PTPRT: variants seen among roughly 807,000 people sequenced by gnomAD.
The protein encoded by PTPRT is receptor-type tyrosine-protein phosphatase T.
Under a neutral mutation model 176.8 loss-of-function variants are expected in PTPRT, and 56 were observed. The ratio of observed to expected loss-of-function variants is 0.32; its 90% CI spans 0.26 to 0.40. The LOEUF (loss-of-function observed/expected upper bound fraction) is 0.40, where lower values mean the gene tolerates loss of function less well. PTPRT is among the 10% of genes least tolerant of loss of function. The probability of loss-of-function intolerance (pLI) is 1.00; values close to 1 mark genes in which losing one functional copy is unlikely to be tolerated. For missense variants in PTPRT, 1,540 were observed against 1,908.2 expected, an observed-to-expected ratio of 0.81 and a Z score of 3.60; for synonymous variants, 783 against 739.0, an observed-to-expected ratio of 1.06 and a Z score of -0.96.
intron 15 of PTPRT, among the ~76,000 whole-genome samples, chr20:42,231,249 A>G (rs1359768643): frequency 1.3e-5 from 2 of 152,212 alleles, no homozygotes; most frequent in Non-Finnish European, 2.9e-5. Flanking sequence ...CTGTGCTCCA[A>G]GCACGTGGTC....
chr20:42,810,871 C>A (rs1433098826), intron 2 of PTPRT, among the ~76,000 whole-genome samples: 1 of 152,220 alleles, frequency 6.6e-6, no homozygotes, highest in Admixed American at 6.5e-5. Flanking sequence ...GTCTTAATTC[C>A]TGTCCTTCTA....
intron 14 of PTPRT, among the ~76,000 whole-genome samples, chr20:42,245,049 A>T (rs538332681): frequency 6.6e-6 from 1 of 152,260 alleles, no homozygotes; most frequent in South Asian, 2.1e-4. Context: ...TTATGTCAGG[A>T]CTTAACATGG....
chr20:42,462,461 G>A (rs2071036997), intron 8 of PTPRT, among the ~76,000 whole-genome samples: 1 of 152,124 alleles, frequency 6.6e-6, no homozygotes. Flanking sequence ...AGGCTGAGGT[G>A]TTGGGGGATT....
At chr20:42,562,063 G>T (rs1175270083) in intron 7 of PTPRT, among the ~76,000 whole-genome samples, 1 of 152,154 alleles carries the variant, frequency 6.6e-6, no homozygotes, top group Non-Finnish European at 1.5e-5. Context: ...GGTTTCAGTT[G>T]CTTCGTCTGT....
intron 6 of PTPRT, among the ~76,000 whole-genome samples, chr20:42,726,811 C>T (rs1050559044): frequency 9.9e-5 from 15 of 152,206 alleles, no homozygotes; most frequent in African/African-American, 3.4e-4. Flanking sequence ...TCAGCAGATG[C>T]TATCACTATA....
At chr20:42,157,622 CT>C (rs768231831) in intron 17 of PTPRT, among the ~76,000 whole-genome samples, 2 of 150,298 alleles carry the variant, frequency 1.3e-5, no homozygotes, top group Non-Finnish European at 3.0e-5. Flanking sequence ...CTGGGATTTT[CT>C]TCCCCCCCCA....
chr20:42,223,834 A>T (rs1490918270), intron 15 of PTPRT, among the ~76,000 whole-genome samples: 3 of 152,196 alleles, frequency 2.0e-5, no homozygotes, highest in African/African-American at 7.2e-5. Context: ...GCTTTTCTCC[A>T]CTTCTGAAAA....
In PTPRT at chr20:42,580,881, T is replaced by C. The variant is rs557507549; in HGVS notation, c.1153+96985A>G. ...ACAATTTGACTTCCTCTTTTCCTAATTGAATACCCTTTATTTCCTTCTCCT... is the reference window on the plus strand; with the variant it reads ...ACAATTTGACTTCCTCTTTTCCTAACTGAATACCCTTTATTTCCTTCTCCT... On this transcript the variant is annotated intron_variant, in intron 7 of 30. Transcript: ENST00000373187. Among the ~76,000 whole-genome samples, 536 of 151,884 alleles carry C rather than the reference T, an allele frequency of 3.5e-3. 2 individuals are homozygous for C. Among genetic ancestry groups the C allele is most frequent in the African/African-American group, 0.012 (494 of 41,442 alleles).
At chr20:42,262,741 A>G (rs1053963202) in intron 13 of PTPRT, among the ~76,000 whole-genome samples, 2 of 151,832 alleles carry the variant, frequency 1.3e-5, no homozygotes, top group African/African-American at 4.8e-5. Context: ...GAGCACTACA[A>G]TGTGTGCTAG....
chr20:42,350,211 CTTGTTTTTTTTTT>C (rs2058255685), intron 11 of PTPRT, among the ~76,000 whole-genome samples: 2 of 70,602 alleles, frequency 2.8e-5, no homozygotes, highest in Admixed American at 1.5e-4. Flanking sequence ...TAGGATGTTT[CTTGTTTTTTTTTT>C]TTTTTTTTTT....
Position 42,656,690 on chromosome 20 carries a change from C to T in PTPRT, c.1153+21176G>A, listed in dbSNP as rs184537502. On this transcript the variant is annotated intron_variant, in intron 7 of 30. Coordinates refer to ENST00000373187, the MANE Select transcript of PTPRT (RefSeq NM_007050.6). ...CAGGAAAAAATATTACATATGTGCA[C>T]ATATATTAGTATCTTTCAGGATGCT... 3.2e-4 allele frequency among the ~76,000 whole-genome samples: 48 copies of T among 152,164 alleles called. 2 individuals are homozygous for T. Among genetic ancestry groups the T allele is most frequent in the African/African-American group, 1.0e-3 (43 of 41,528 alleles).
intron 9 of PTPRT, among the ~76,000 whole-genome samples, chr20:42,425,055 C>A (rs996314296): frequency 6.6e-6 from 1 of 151,924 alleles, no homozygotes; most frequent in Non-Finnish European, 1.5e-5. Flanking sequence ...GAAGAAAGGC[C>A]AATTCTTTCT....
chr20:42,791,453 C>A lies in PTPRT; in HGVS notation c.228G>T (p.Met76Ile), dbSNP rs2145551138. Residue 76 changes from methionine (M) to isoleucine (I), a missense_variant, in exon 3 of 31, where the codon ATG becomes ATT. By Grantham distance (10) the Met-to-Ile change is conservative. This residue lies in a region of PTPRT where 116 missense variants were observed against 118.5 expected (regional missense o/e 0.98). Transcript: ENST00000373187. ...CAGAGGCTCTCCCAGAGCTGTTCAC[C>A]ATCATGAAAGATCCTGGAGACCCAC... ...DQAVPTGSFM[M>I]VNSSGRASGQ... is the part of the protein sequence containing the mutation. The A allele has an allele frequency of 6.2e-7, 1 of 1,611,416 alleles. No homozygotes were observed. Among genetic ancestry groups the A allele is most frequent in the Non-Finnish European group, 8.5e-7 (1 of 1,178,644 alleles).
chr20:43,084,415 C>T (rs960860268), intron 1 of PTPRT, among the ~76,000 whole-genome samples: 1 of 152,144 alleles, frequency 6.6e-6, no homozygotes, highest in African/African-American at 2.4e-5. Flanking sequence ...GAAGCAAGAA[C>T]CTTCTTCATA....
chr20:42,087,338 C>T (rs1038654926), intron 27 of PTPRT, among the ~76,000 whole-genome samples: 1 of 152,076 alleles, frequency 6.6e-6, no homozygotes, highest in African/African-American at 2.4e-5. Flanking sequence ...TCAAGTGGTT[C>T]TCCTGCCTCA....
chr20:42,800,366 C>A (rs1286123355), intron 2 of PTPRT, among the ~76,000 whole-genome samples: 3 of 152,088 alleles, frequency 2.0e-5, no homozygotes, highest in African/African-American at 7.2e-5. Context: ...CTGGTTCATG[C>A]AGGAAGAGGG....
intron 16 of PTPRT, among the ~76,000 whole-genome samples, chr20:42,169,792 A>ACACACAC (rs781141603): frequency 4.7e-4 from 45 of 95,416 alleles, no homozygotes; most frequent in Middle Eastern, 5.1e-3. Flanking sequence ...ACACACACAC[A>ACACACAC]ACAGTCAGTA....
intron 7 of PTPRT, among the ~76,000 whole-genome samples, chr20:42,606,177 A>T (rs967423161): frequency 6.6e-6 from 1 of 151,884 alleles, no homozygotes; most frequent in African/African-American, 2.4e-5. Context: ...ACTCCACTTC[A>T]CTCACCTCTA....
intron 1 of PTPRT, among the ~76,000 whole-genome samples, chr20:43,122,051 C>G (rs1469130709): frequency 6.6e-6 from 1 of 152,192 alleles, no homozygotes; most frequent in East Asian, 1.9e-4. Flanking sequence ...GGATTCTAGT[C>G]CCCGGCTTCA....
Sources: gnomAD v4.1 joint callset for allele counts (sites outside exome capture counted in the v4.1 genomes callset) on GRCh38, gnomAD v4.1.1 for gene constraint, gnomAD v4.1.1 regional missense constraint, MANE v1.5 for transcripts, NCBI Gene and HGNC (gene_info 2026-07-23, HGNC 2026-07-21) for gene names.